Variants in TIMM44 observed in about 807,000 individuals in gnomAD.
TIMM44 encodes mitochondrial import inner membrane translocase subunit TIM44.
A neutral mutation model predicts 63.8 loss-of-function variants in TIMM44; 37 were observed. The ratio of observed to expected loss-of-function variants is 0.58; its 90% CI spans 0.45 to 0.76. The LOEUF is 0.76. Ranked by LOEUF, TIMM44 falls within the 30% of genes least tolerant of loss-of-function variation. The pLI, the probability that TIMM44 is intolerant of heterozygous loss-of-function variation, is 0.00. For missense variants in TIMM44, 573 were observed against 603.8 expected (o/e 0.95, Z 0.54); for synonymous variants, 239 against 245.1 (o/e 0.98, Z 0.23).
intron 3 of TIMM44, among the ~76,000 whole-genome samples, chr19:7,936,032 T>A (rs956686486): frequency 6.6e-6 from 1 of 152,174 alleles, no homozygotes; most frequent in African/African-American, 2.4e-5. Flanking sequence ...CCCATGCCTT[T>A]AGTCACAGCT....
In TIMM44 at chr19:7,943,485, C is replaced by T. The variant is rs1984365740; in HGVS notation, c.45+122G>A. The T allele has an allele frequency of 8.2e-7, 1 of 1,216,208 alleles. No individual in the cohort carries two copies. The highest frequency in any genetic ancestry group is 2.0e-5 in the Admixed American group (1 of 49,644). The allele number at this position is 1,216,208 out of a possible 1,614,324, so 75.3% of individuals were successfully genotyped here. ...GCCTCTGCTACCCAAAGATCTAACC[C>T]CAAGCTTTCTAAGGAGCCCAAGCAA... On this transcript the variant is annotated intron_variant, in intron 1 of 12. Transcript: ENST00000270538. This position sits in a 1 kb window ranked among gnomAD's most constrained non-coding sequence, Gnocchi z 4.3.
chr19:7,928,369 C>CA (rs1983879389), intron 10 of TIMM44: 7 of 589,580 alleles, frequency 1.2e-5, no homozygotes, highest in Non-Finnish European at 2.1e-5. Flanking sequence ...CTGGGAACAA[C>CA]ACTCTATCCA....
At chr19:7,936,447 A>G (rs1228106487) in intron 3 of TIMM44, among the ~76,000 whole-genome samples, 1 of 152,168 alleles carries the variant, frequency 6.6e-6, no homozygotes, top group Non-Finnish European at 1.5e-5. Flanking sequence ...GCAAGACTCC[A>G]TCTCAAAGGA....
chr19:7,942,987 C>T (rs1984352627), intron 1 of TIMM44, among the ~76,000 whole-genome samples: 2 of 147,882 alleles, frequency 1.4e-5, no homozygotes, highest in Non-Finnish European at 3.0e-5. Context: ...TTGCAGTGAG[C>T]CGAGATCGCG....
chr19:7,935,122 C>T lies in TIMM44; in HGVS notation c.336G>A (p.Val112=). 6.2e-7 allele frequency: 1 copy of T among 1,613,386 alleles called. No individual in the cohort carries two copies. The highest frequency in any genetic ancestry group is 8.5e-7 in the Non-Finnish European group (1 of 1,179,714). Residue 112 remains valine, a synonymous_variant, in exon 4 of 13, where the codon GTG becomes GTA. Coordinates refer to ENST00000270538, the MANE Select transcript of TIMM44 (RefSeq NM_006351.4). Reference sequence around the variant, plus strand: ...TCTTCCGTAGCACCTCGCTCGTCCGCACGGTTTCTGACTCGATGGTTTTCT... The same window carrying T: ...TCTTCCGTAGCACCTCGCTCGTCCGTACGGTTTCTGACTCGATGGTTTTCT... ...RKYKTIESET[V]RTSEVLRKKL...
In TIMM44 at chr19:7,934,189, C is replaced by A; in HGVS notation, c.443G>T (p.Gly148Val). ...KSDLGRKIKE[G>V]VEEAAKTAKQ... is the part of the protein sequence containing the mutation. ...GGCCGTCTTGGCTGCTTCCTCCACG[C>A]CCTCCTTGATTTTCCGGCCGAGATC... The change falls in exon 5 of 13, where the codon GGC (glycine) becomes GTC (valine). Residue 148 changes from glycine (G) to valine (V), a missense_variant. Transcript: ENST00000270538. The surrounding 1 kb of genome is among the most constrained non-coding windows in gnomAD (Gnocchi z 5.3). The A allele has an allele frequency of 6.2e-7, 1 of 1,613,554 alleles. No individual in the cohort carries two copies. The highest frequency in any genetic ancestry group is 8.5e-7 in the Non-Finnish European group (1 of 1,179,986).
chr19:7,941,119 C>G lies in TIMM44; in HGVS notation c.124G>C (p.Gly42Arg). The change falls in exon 2 of 13, where the codon GGC (glycine) becomes CGC (arginine). Residue 42 changes from glycine to arginine, a missense_variant. By Grantham distance (125) the Gly-to-Arg change is moderately radical (BLOSUM62 -2). Coordinates refer to ENST00000270538, the MANE Select transcript of TIMM44 (RefSeq NM_006351.4). ...TCACTCACCAGTGGCAGCTCTCCGC[C>G]CGGCCGGCGCATCTGATAGGTCGAC... is the stretch of plus-strand genomic sequence containing the variant. Reference protein sequence around the residue: ...HGSTYQMRRPGGELPLSKSYS... With the variant: ...HGSTYQMRRPRGELPLSKSYS... The G allele has an allele frequency of 1.2e-6, 2 of 1,614,046 alleles. No homozygotes were observed. Among genetic ancestry groups the G allele is most frequent in the Non-Finnish European group, 1.7e-6 (2 of 1,179,984 alleles).
rs558354943 is a variant in TIMM44, at chr19:7,933,235, C to T, written c.769+250G>A. 1.2e-3 allele frequency among the ~76,000 whole-genome samples: 190 copies of T among 152,332 alleles called. No homozygotes were observed. The highest frequency in any genetic ancestry group is 4.4e-3 in the African/African-American group (181 of 41,584). On this transcript the variant is annotated intron_variant, in intron 7 of 12. Coordinates refer to ENST00000270538, the MANE Select transcript of TIMM44 (RefSeq NM_006351.4). This position sits in a 1 kb window ranked among gnomAD's most constrained non-coding sequence, Gnocchi z 4.3. ...AAACACAGGCCTCTAGCAGTCCTCA[C>T]AGGACAAGGGACAGGGGCCTGCGGC...
intron 1 of TIMM44, 105 bp from the exon 2 acceptor site, chr19:7,941,302 T>G: frequency 4.7e-6 from 1 of 213,478 alleles, no homozygotes; most frequent in East Asian, 1.4e-4. Context: ...TCACTGGCCA[T>G]TTTTTTTTTT....
Position 7,933,013 on chromosome 19 carries a change from G to C in TIMM44, c.770-81C>G, listed in dbSNP as rs537762623. ...CCCTCACAGCTTCTAGAGGCTCCCT[G>C]TGACCCCTGCGGGATCCACCCTGAC... On this transcript the variant is annotated intron_variant, in intron 7 of 12. Coordinates refer to ENST00000270538, the MANE Select transcript of TIMM44 (RefSeq NM_006351.4). This position sits in a 1 kb window ranked among gnomAD's most constrained non-coding sequence, Gnocchi z 4.3. 1 of 1,181,726 alleles carries C rather than the reference G, an allele frequency of 8.5e-7. No homozygotes were observed. Among genetic ancestry groups the C allele is most frequent in the South Asian group, 1.2e-5 (1 of 80,312 alleles). 73.2% of individuals were successfully genotyped at this position (1,181,726 alleles called of 1,614,324 possible). A position where few individuals can be genotyped will look rare whatever the true frequency, so the allele number is the denominator to read the frequency against.
At chr19:7,929,095 C>T (rs567854693) in intron 10 of TIMM44, among the ~76,000 whole-genome samples, 2 of 152,198 alleles carry the variant, frequency 1.3e-5, no homozygotes, top group East Asian at 1.9e-4. Context: ...GATTCTGGAT[C>T]GCTTAATACG....
chr19:7,941,369 C>T (rs1202703410), intron 1 of TIMM44, among the ~76,000 whole-genome samples, 172 bp from the exon 2 acceptor site: 1 of 151,054 alleles, frequency 6.6e-6, no homozygotes, highest in Non-Finnish European at 1.5e-5. Context: ...CTCCCTGCAA[C>T]CTATGCCTCC....
chr19:7,932,904 G>A lies in TIMM44; in HGVS notation c.798C>T (p.Asp266=), dbSNP rs371461861. The A allele has an allele frequency of 5.0e-6, 8 of 1,614,058 alleles. No individual in the cohort carries two copies. Among genetic ancestry groups the A allele is most frequent in the African/African-American group, 4.0e-5 (3 of 74,932 alleles). Residue 266 remains aspartate (D), a synonymous_variant, in exon 8 of 13, where the codon GAC becomes GAT. Transcript: ENST00000270538. ...NRFFEMKMKY[D]ESDNAFIRAS... ...CCCGGATGAACGCGTTGTCGCTTTC[G>A]TCATACTTCATCTTCATCTCGAAGA...
chr19:7,934,978 C>A lies in TIMM44; in HGVS notation c.393+87G>T. 7.7e-7 allele frequency: 1 copy of A among 1,293,730 alleles called. No individual in the cohort carries two copies. The highest frequency in any genetic ancestry group is 1.1e-6 in the Non-Finnish European group (1 of 912,456). 80.1% of individuals were successfully genotyped at this position (1,293,730 alleles called of 1,614,324 possible). A position where few individuals can be genotyped will look rare whatever the true frequency, so the allele number is the denominator to read the frequency against. On this transcript the variant is annotated intron_variant, in intron 4 of 12. Coordinates refer to ENST00000270538, the MANE Select transcript of TIMM44 (RefSeq NM_006351.4). This position sits in a 1 kb window ranked among gnomAD's most constrained non-coding sequence, Gnocchi z 5.3. ...CCACCCACTGCTGCCAAGCCACCCC[C>A]ACCCAGGAGCCGACTCTTCCTCCAG...
In TIMM44 at chr19:7,932,798, G is replaced by A. The variant is rs55850302; in HGVS notation, c.862+42C>T. The A allele has an allele frequency of 0.076, 122,686 of 1,613,850 alleles. 5,431 individuals carry two copies. Among genetic ancestry groups the A allele is most frequent in the African/African-American group, 0.2 (15,241 of 75,008 alleles). ...GTTCGGGGGGAAGGCCGGGGACCCC[G>A]CCCCACCACCAGCCTGCGAGGTCCA... On this transcript the variant is annotated intron_variant, in intron 8 of 12. Transcript: ENST00000270538.
intron 10 of TIMM44, among the ~76,000 whole-genome samples, chr19:7,930,213 C>A (rs1246824868): frequency 1.3e-5 from 2 of 151,898 alleles, no homozygotes; most frequent in Non-Finnish European, 2.9e-5. Context: ...CGATGACTCA[C>A]TGCAGCCTTG....
chr19:7,935,548 G>C (rs1370370177), intron 3 of TIMM44, among the ~76,000 whole-genome samples: 13 of 152,168 alleles, frequency 8.5e-5, no homozygotes, highest in Admixed American at 8.5e-4. Context: ...CATCTTCTCC[G>C]CAGCCCCTCC....
At position 7,943,527 on chromosome 19, in the gene TIMM44, G is replaced by T; in HGVS notation, c.45+80C>A. The T allele has an allele frequency of 1.3e-6, 2 of 1,493,182 alleles. No homozygotes were observed. Among genetic ancestry groups the T allele is most frequent in the South Asian group, 1.2e-5 (1 of 83,248 alleles). The allele number at this position is 1,493,182 out of a possible 1,614,324, so 92.5% of individuals were successfully genotyped here. A position where few individuals can be genotyped will look rare whatever the true frequency, so the allele number is the denominator to read the frequency against. On this transcript the variant is annotated intron_variant, in intron 1 of 12. Coordinates refer to ENST00000270538, the MANE Select transcript of TIMM44 (RefSeq NM_006351.4). This position sits in a 1 kb window ranked among gnomAD's most constrained non-coding sequence, Gnocchi z 4.3. ...CCCAAGCAAGGGTCGCGAAGGCCAA[G>T]GGTCTGAGAAGAAAGCCTTGGTGGC...
intron 11 of TIMM44, 45 bp from the exon 12 acceptor site, chr19:7,927,812 G>A (rs573323914): frequency 1.3e-5 from 21 of 1,581,650 alleles, no homozygotes; most frequent in South Asian, 4.4e-5. Context: ...AGGACAGCCC[G>A]GCTGCTCCCC....
Sources: gnomAD v4.1 joint callset for allele counts (sites outside exome capture counted in the v4.1 genomes callset) on GRCh38, gnomAD v4.1.1 for gene constraint, Gnocchi (gnomAD v3.1) non-coding constraint, MANE v1.5 for transcripts, NCBI Gene and HGNC (gene_info 2026-07-23, HGNC 2026-07-21) for gene names.